Variants in RBM5 observed in about 807,000 individuals in gnomAD.
RBM5 encodes RNA binding motif protein 5.
Under a neutral mutation model 124.6 loss-of-function variants are expected in RBM5, and 15 were observed. The observed-to-expected ratio is 0.12, with a 90% CI of 0.08 to 0.19. The LOEUF is 0.19. RBM5 is among the 10% of genes least tolerant of loss of function. The pLI is 1.00. For missense variants in RBM5, 580 were observed against 1,026.5 expected (o/e 0.57, Z 5.94); for synonymous variants, 337 against 361.2 (o/e 0.93, Z 0.76).
rs2090917245 is a variant in RBM5 at position 50,100,460 on chromosome 3, G to A, written c.410-72G>A. 7.7e-7 allele frequency: 1 copy of A among 1,296,256 alleles called. No individual in the cohort carries two copies. The highest frequency in any genetic ancestry group is 1.1e-6 in the Non-Finnish European group (1 of 898,410). The allele number at this position is 1,296,256 out of a possible 1,614,324, so 80.3% of individuals were successfully genotyped here. Reference sequence around the variant, plus strand: ...TTGTCACGCAGTGTTGAAGCAGTGGGAGAGAGATTCACCTGTTATAAAGGA... The same window carrying A: ...TTGTCACGCAGTGTTGAAGCAGTGGAAGAGAGATTCACCTGTTATAAAGGA... On this transcript the variant is annotated intron_variant, in intron 5 of 24. Transcript: ENST00000347869. This position sits in a 1 kb window ranked among gnomAD's most constrained non-coding sequence, Gnocchi z 5.1.
At chr3:50,106,009 G>A in intron 10 of RBM5, among the ~76,000 whole-genome samples, 1 of 151,158 alleles carries the variant, frequency 6.6e-6, no homozygotes, top group South Asian at 2.1e-4. Flanking sequence ...CTGGAGTGCG[G>A]TGGCACCATC....
intron 12 of RBM5, 145 bp downstream of exon 12, chr3:50,107,714 ATCACTCTCG>A: frequency 2.1e-6 from 1 of 465,604 alleles, no homozygotes; most frequent in Admixed American, 5.7e-5. Flanking sequence ...GAGACAGAGT[ATCACTCTCG>A]TCACCCGGGC....
intron 6 of RBM5, chr3:50,102,443 A>T (rs534922719): frequency 1.3e-5 from 2 of 152,168 alleles, no homozygotes; most frequent in East Asian, 1.9e-4. Context: ...GTCACCTAGG[A>T]CATGACATGG....
intron 11 of RBM5, chr3:50,107,075 G>T (rs765086307): frequency 1.4e-6 from 1 of 689,712 alleles, no homozygotes. Context: ...AATGGTTTCA[G>T]ATCAGGAGAA....
At chr3:50,115,006 A>G (rs1332417577) in intron 20 of RBM5, 1 of 172,788 alleles carries the variant, frequency 5.8e-6, no homozygotes, top group Non-Finnish European at 1.2e-5. Flanking sequence ...ATCTCTACTA[A>G]AAATGCAAAA....
chr3:50,091,731 A>G (rs2090706310), intron 2 of RBM5, among the ~76,000 whole-genome samples: 1 of 152,220 alleles, frequency 6.6e-6, no homozygotes, highest in African/African-American at 2.4e-5. Flanking sequence ...GGATGAAGGG[A>G]TAATATGTAG....
intron 4 of RBM5, 123 bp from the exon 5 acceptor site, chr3:50,099,855 GAGAC>G: frequency 1.4e-6 from 1 of 732,132 alleles, no homozygotes. Flanking sequence ...AAGTGAGTGA[GAGAC>G]AGAGACTCCC....
chr3:50,099,131 T>A (rs2090886766), intron 4 of RBM5, among the ~76,000 whole-genome samples: 1 of 151,998 alleles, frequency 6.6e-6, no homozygotes, highest in African/African-American at 2.4e-5. Context: ...GGTGTGCATT[T>A]GTAGTCCCAG....
chr3:50,107,937 C>T (rs140724462), intron 12 of RBM5, 133 bp from the exon 13 acceptor site: 53,395 of 750,990 alleles, frequency 0.071, 2,133 homozygotes, highest in African/African-American at 0.1. Flanking sequence ...CCACCCACGT[C>T]AGCCTCCCAA....
intron 11 of RBM5, 75 bp downstream of exon 11, chr3:50,106,939 C>A (rs760962122): frequency 4.9e-6 from 6 of 1,232,154 alleles, no homozygotes; most frequent in Non-Finnish European, 6.0e-6. Flanking sequence ...GAACGCCAAG[C>A]CTGTGCCCCA....
chr3:50,093,663 GTC>G, intron 3 of RBM5, 55 bp from the exon 4 acceptor site: 1 of 1,529,492 alleles, frequency 6.5e-7, no homozygotes, highest in Non-Finnish European at 9.0e-7. Context: ...GGAGTGGAGG[GTC>G]TGTTTCAAAG....
chr3:50,112,529 T>C (rs923020231), intron 17 of RBM5: 2 of 151,622 alleles, frequency 1.3e-5, no homozygotes, highest in Non-Finnish European at 2.9e-5. Flanking sequence ...AGTGAGCGAC[T>C]GGAAAATAGA....
At chr3:50,108,712 G>GA (rs111847188) in intron 14 of RBM5, among the ~76,000 whole-genome samples, 7 of 147,066 alleles carry the variant, frequency 4.8e-5, no homozygotes, top group Admixed American at 6.8e-5. Context: ...GTCTCAGAAA[G>GA]AAAAAAAAAA....
chr3:50,115,632 G>A (rs762392847), intron 21 of RBM5, 25 bp downstream of exon 21: 24 of 1,579,196 alleles, frequency 1.5e-5, no homozygotes, highest in Non-Finnish European at 2.1e-5. Context: ...GAGCTGATCT[G>A]AGGGGGCGAG....
chr3:50,108,354 A>G (rs1462313321), intron 14 of RBM5, 50 bp downstream of exon 14: 25 of 1,471,658 alleles, frequency 1.7e-5, no homozygotes, highest in Non-Finnish European at 2.4e-5. Context: ...CTTACAGTTG[A>G]AGAAATATGA....
chr3:50,098,767 A>G (rs1418618623), intron 4 of RBM5, among the ~76,000 whole-genome samples: 1 of 151,876 alleles, frequency 6.6e-6, no homozygotes, highest in Non-Finnish European at 1.5e-5. Context: ...TTGTATACAG[A>G]TGGGGTCTTA....
chr3:50,095,834 C>G (rs1193677885), intron 4 of RBM5, among the ~76,000 whole-genome samples: 2 of 151,964 alleles, frequency 1.3e-5, no homozygotes, highest in East Asian at 3.9e-4. Context: ...GTTACTCAGC[C>G]AGTGCTCTTG....
At position 50,118,580 on chromosome 3, in the gene RBM5, T is replaced by G; in HGVS notation, c.*124T>G. The G allele has an allele frequency of 7.2e-7, 1 of 1,382,630 alleles. No homozygotes were observed. Among genetic ancestry groups the G allele is most frequent in the Non-Finnish European group, 9.8e-7 (1 of 1,024,712 alleles). The allele number at this position is 1,382,630 out of a possible 1,614,324, so 85.6% of individuals were successfully genotyped here. A position where few individuals can be genotyped will look rare whatever the true frequency, so the allele number is the denominator to read the frequency against. Reference sequence around the variant, plus strand: ...TTAATAGATCTTAGGGTGAACCACTTCATTCTGCAGGGTTCTCCCTCCCAC... The same window carrying G: ...TTAATAGATCTTAGGGTGAACCACTGCATTCTGCAGGGTTCTCCCTCCCAC... On this transcript the variant is annotated 3_prime_UTR_variant, in exon 25 of 25. Transcript: ENST00000347869.
rs770623982 is a variant in RBM5, at chr3:50,092,098, C to T, written c.73C>T (p.Arg25Cys). 1.2e-5 allele frequency: 20 copies of T among 1,613,800 alleles called. No homozygotes were observed. Among genetic ancestry groups the T allele is most frequent in the East Asian group, 2.2e-5 (1 of 44,892 alleles). ...RYGSIIDRDD[R>C]DERESRSRRR... ...CGGTTCCATCATAGACAGGGATGAC[C>T]GTGATGAGCGTGAATCCCGAAGCAG... Residue 25 changes from arginine (R) to cysteine (C), a missense_variant, in exon 3 of 25, where the codon CGT becomes TGT. Arg to Cys is a radical substitution (Grantham distance 180). Coordinates refer to ENST00000347869, the MANE Select transcript of RBM5 (RefSeq NM_005778.4).
Sources: gnomAD v4.1 joint callset for allele counts (sites outside exome capture counted in the v4.1 genomes callset) on GRCh38, gnomAD v4.1.1 for gene constraint, Gnocchi (gnomAD v3.1) non-coding constraint, MANE v1.5 for transcripts, NCBI Gene and HGNC (gene_info 2026-07-23, HGNC 2026-07-21) for gene names.